Variants in EXOC4 observed in about 807,000 individuals in gnomAD.
EXOC4 encodes the protein exocyst complex component 4, also known as SEC8-like 1.
A neutral mutation model predicts 107.2 loss-of-function variants in EXOC4; 71 were observed. The ratio of observed to expected loss-of-function variants is 0.66; its 90% CI spans 0.55 to 0.81. EXOC4 has a LOEUF of 0.81. Ranked by LOEUF, EXOC4 falls within the 30% of genes least tolerant of loss-of-function variation. The pLI, the probability that EXOC4 is intolerant of heterozygous loss-of-function variation, is 0.00. For missense variants in EXOC4, 1,108 were observed against 1,189.6 expected (o/e 0.93, Z 1.01); for synonymous variants, 456 against 441.2 (o/e 1.03, Z -0.42).
intron 10 of EXOC4, chr7:133,733,742 G>C (rs1269718921): frequency 6.6e-6 from 1 of 152,034 alleles, no homozygotes; most frequent in Non-Finnish European, 1.5e-5. Flanking sequence ...CATTACACTT[G>C]ACACGTCTAG....
At chr7:133,514,166 T>G (rs935122822) in intron 9 of EXOC4, among the ~76,000 whole-genome samples, 3 of 146,564 alleles carry the variant, frequency 2.0e-5, no homozygotes, top group Middle Eastern at 3.5e-3. Flanking sequence ...TCGTTTTTTG[T>G]TTTTTTTTTT....
At chr7:133,449,092 T>C (rs1053643788) in intron 7 of EXOC4, among the ~76,000 whole-genome samples, 1 of 152,010 alleles carries the variant, frequency 6.6e-6, no homozygotes, top group Non-Finnish European at 1.5e-5. Flanking sequence ...TGGGTGACAG[T>C]GAGACTCTGT....
intron 13 of EXOC4, among the ~76,000 whole-genome samples, chr7:133,937,184 C>T (rs1800323877): frequency 6.6e-6 from 1 of 152,088 alleles, no homozygotes; most frequent in Non-Finnish European, 1.5e-5. Flanking sequence ...TTTTTCAACC[C>T]CGCCCTGCCC....
chr7:133,818,800 C>G (rs1391100081), intron 11 of EXOC4, among the ~76,000 whole-genome samples: 3 of 152,112 alleles, frequency 2.0e-5, no homozygotes, highest in African/African-American at 7.2e-5. Context: ...TAATTAGGTC[C>G]CCTTTCCTGG....
At chr7:133,387,829 G>A (rs987529552) in intron 7 of EXOC4, among the ~76,000 whole-genome samples, 1 of 152,176 alleles carries the variant, frequency 6.6e-6, no homozygotes, top group African/African-American at 2.4e-5. Flanking sequence ...ACAAGTACTA[G>A]AGAAGACCTT....
At chr7:133,739,222 T>TTGTGTGTGTGTGTGTGTG (rs72444310) in intron 10 of EXOC4, among the ~76,000 whole-genome samples, 2 of 142,308 alleles carry the variant, frequency 1.4e-5, no homozygotes, top group Non-Finnish European at 1.5e-5. Flanking sequence ...GTAGAGGGGT[T>TTGTGTGTGTGTGTGTGTG]TGTGTGTGTG....
the EXOC4 span, among the ~76,000 whole-genome samples, chr7:134,079,972 G>T: frequency 6.6e-6 from 1 of 152,154 alleles, no homozygotes; most frequent in Non-Finnish European, 1.5e-5. Flanking sequence ...CTCTGATCAC[G>T]CCAAGATCTA....
At chr7:133,414,665 G>A (rs1797433774) in intron 7 of EXOC4, among the ~76,000 whole-genome samples, 1 of 151,946 alleles carries the variant, frequency 6.6e-6, no homozygotes, top group Admixed American at 6.6e-5. Context: ...CATACTAAGG[G>A]TAATGTAAAC....
At chr7:133,934,676 A>G (rs943799633) in intron 13 of EXOC4, among the ~76,000 whole-genome samples, 6 of 152,088 alleles carry the variant, frequency 3.9e-5, no homozygotes, top group African/African-American at 1.4e-4. Flanking sequence ...TTTCAAAGCC[A>G]TTTGCCCCCC....
At chr7:133,576,629 G>T in intron 9 of EXOC4, 1 of 1,289,746 alleles carries the variant, frequency 7.8e-7, no homozygotes, top group Non-Finnish European at 1.0e-6. Flanking sequence ...CCTAGCTATT[G>T]CTAAATGTGA....
At chr7:133,500,701 T>C (rs911057099) in intron 9 of EXOC4, among the ~76,000 whole-genome samples, 4 of 152,200 alleles carry the variant, frequency 2.6e-5, no homozygotes, top group Non-Finnish European at 4.4e-5. Flanking sequence ...TTTAAAGAAA[T>C]TCCCAGTTTT....
At chr7:133,272,549 T>C (rs553579257) in intron 1 of EXOC4, among the ~76,000 whole-genome samples, 1 of 152,230 alleles carries the variant, frequency 6.6e-6, no homozygotes, top group African/African-American at 2.4e-5. Context: ...TAGGGGCTAT[T>C]ATTATTTTTA....
chr7:133,946,795 T>G (rs1460103425), intron 14 of EXOC4, among the ~76,000 whole-genome samples: 1 of 152,236 alleles, frequency 6.6e-6, no homozygotes, highest in Non-Finnish European at 1.5e-5. Context: ...TTCCCCGTGT[T>G]CCTTGGTTTT....
At chr7:133,426,175 A>G (rs1337314704) in intron 7 of EXOC4, among the ~76,000 whole-genome samples, 2 of 152,180 alleles carry the variant, frequency 1.3e-5, no homozygotes, top group African/African-American at 4.8e-5. Flanking sequence ...TGTTTCTGGT[A>G]ATGATGTTTT....
At chr7:133,749,911 GA>G (rs1795755285) in intron 10 of EXOC4, among the ~76,000 whole-genome samples, 1 of 139,868 alleles carries the variant, frequency 7.1e-6, no homozygotes, top group African/African-American at 2.6e-5. Flanking sequence ...ACTTGTTTAA[GA>G]TATTCTGCTC....
At chr7:133,484,189 T>A in intron 9 of EXOC4, 3 of 1,549,328 alleles carry the variant, frequency 1.9e-6, no homozygotes, top group African/African-American at 2.8e-5. Flanking sequence ...GATAAAAGGA[T>A]TAAAAAAATG....
intron 11 of EXOC4, among the ~76,000 whole-genome samples, chr7:133,846,695 A>G (rs917730726): frequency 6.6e-6 from 1 of 152,164 alleles, no homozygotes; most frequent in African/African-American, 2.4e-5. Context: ...TGTGGTGGGG[A>G]AGTAGCCATA....
intron 14 of EXOC4, among the ~76,000 whole-genome samples, chr7:133,978,000 T>A (rs114016645): frequency 0.012 from 1,777 of 152,292 alleles, 30 homozygotes; most frequent in African/African-American, 0.041. Flanking sequence ...TAACCTAACT[T>A]GATGTGCAAA....
rs561648266 is a variant in EXOC4 at position 133,758,765 on chromosome 7, C to T, written c.1515-58560C>T. 5.9e-5 allele frequency among the ~76,000 whole-genome samples: 9 copies of T among 152,260 alleles called. No individual in the cohort carries two copies. The South Asian group carries it at 1.9e-3, about 32-fold the overall frequency. On this transcript the variant is annotated intron_variant, in intron 10 of 17. Transcript: ENST00000253861. ...TTCATTAATTTTTCTTGCCAGACAA[C>T]CAGATGATTCTTTATTAATCTTTGA...
Sources: allele counts gnomAD v4.1 joint callset (sites outside exome capture counted in the v4.1 genomes callset), GRCh38; gene constraint gnomAD v4.1.1; transcripts MANE v1.5; gene names NCBI Gene and HGNC (gene_info 2026-07-23, HGNC 2026-07-21).